IDE: variants seen among roughly 807,000 people sequenced by gnomAD.
IDE encodes the protein insulin-degrading enzyme.
A neutral mutation model predicts 133.2 loss-of-function variants in IDE; 58 were observed. The observed-to-expected ratio is 0.44, with a 90% confidence interval of 0.35 to 0.54. IDE has a LOEUF of 0.54. Ranked by LOEUF, IDE falls within the 20% of genes least tolerant of loss-of-function variation. The pLI, the probability that IDE is intolerant of heterozygous loss-of-function variation, is 0.00. For synonymous variants in IDE, 396 were observed against 421.3 expected, an observed-to-expected ratio of 0.94 and a Z score of 0.73; for missense variants, 981 against 1,234.0, an observed-to-expected ratio of 0.79 and a Z score of 3.07.
chr10:92,531,956 A>G, intron 3 of IDE, 39 bp from the exon 4 acceptor site: 1 of 1,364,424 alleles, frequency 7.3e-7, no homozygotes, highest in Non-Finnish European at 9.8e-7. Flanking sequence ...GAAAGATGTC[A>G]TTTTAAAACA....
chr10:92,565,591 G>A (rs896560383), intron 1 of IDE, among the ~76,000 whole-genome samples: 3 of 151,884 alleles, frequency 2.0e-5, no homozygotes, highest in African/African-American at 7.3e-5. Context: ...TGTGAGCATT[G>A]TCAAGGCTGC....
chr10:92,500,637 T>C (rs1847954854), intron 11 of IDE, among the ~76,000 whole-genome samples: 1 of 152,214 alleles, frequency 6.6e-6, no homozygotes, highest in Admixed American at 6.5e-5. Flanking sequence ...TGGACTCTGT[T>C]CTCTTCCAAT....
chr10:92,519,867 G>T (rs1267937999), intron 4 of IDE, among the ~76,000 whole-genome samples: 1 of 152,186 alleles, frequency 6.6e-6, no homozygotes, highest in Non-Finnish European at 1.5e-5. Context: ...CACTTTAGGA[G>T]GCTGAGGCAG....
intron 1 of IDE, among the ~76,000 whole-genome samples, chr10:92,564,400 G>A (rs1843422355): frequency 1.3e-5 from 2 of 152,070 alleles, no homozygotes; most frequent in South Asian, 4.1e-4. Context: ...GGCCGGGCAA[G>A]GTAACTTACA....
At chr10:92,549,677 C>T (rs1023138862) in intron 1 of IDE, among the ~76,000 whole-genome samples, 3 of 151,912 alleles carry the variant, frequency 2.0e-5, no homozygotes, top group African/African-American at 7.3e-5. Flanking sequence ...TATCTTGTGG[C>T]ACATATACTT....
chr10:92,559,292 A>G (rs150069733), intron 1 of IDE: 6 of 152,354 alleles, frequency 3.9e-5, no homozygotes, highest in Non-Finnish European at 7.3e-5. Flanking sequence ...AGAAACGAAA[A>G]TAAGTGTTCA....
rs1849128601 is a variant in IDE at position 92,519,889 on chromosome 10, G to C, written c.662-4847C>G. On this transcript the variant is annotated intron_variant, in intron 4 of 24. Coordinates refer to ENST00000265986, the MANE Select transcript of IDE (RefSeq NM_004969.4). Reference sequence around the variant, plus strand: ...GGAGGCTGAGGCAGGCGGATCACCTGAGGTCAGGAGCTTGAGACCAGCCTG... The same window carrying C: ...GGAGGCTGAGGCAGGCGGATCACCTCAGGTCAGGAGCTTGAGACCAGCCTG... Among the ~76,000 whole-genome samples, 3 of 152,212 alleles carry C rather than the reference G, an allele frequency of 2.0e-5. No homozygotes were observed. In the South Asian group the frequency reaches 6.2e-4, roughly 32 times the overall value.
At chr10:92,537,682 T>C (rs922536817) in intron 1 of IDE, 132 bp from the exon 2 acceptor site, 2 of 626,878 alleles carry the variant, frequency 3.2e-6, no homozygotes, top group Admixed American at 3.0e-5. Flanking sequence ...ATAGCCACTC[T>C]ACAGGGTGCA....
At chr10:92,476,059 CTTGA>C in intron 15 of IDE, 65 bp from the exon 16 acceptor site, 1 of 702,430 alleles carries the variant, frequency 1.4e-6, no homozygotes. Context: ...AAATAAACGA[CTTGA>C]TTTTTAAACA....
intron 4 of IDE, among the ~76,000 whole-genome samples, chr10:92,516,763 C>A (rs1170457645): frequency 4.6e-5 from 7 of 152,064 alleles, no homozygotes; most frequent in African/African-American, 1.4e-4. Flanking sequence ...GTGATCTAGA[C>A]TGGTTAAAAA....
intron 1 of IDE, among the ~76,000 whole-genome samples, chr10:92,555,882 G>GA (rs1842978097): frequency 6.6e-6 from 1 of 152,120 alleles, no homozygotes; most frequent in Non-Finnish European, 1.5e-5. Context: ...AAATTAGAAA[G>GA]AAAAAAGTAG....
At chr10:92,507,709 T>G in intron 8 of IDE, 43 bp from the exon 9 acceptor site, 2 of 1,073,368 alleles carry the variant, frequency 1.9e-6, no homozygotes, top group Non-Finnish European at 2.9e-6. Context: ...AGTCCTTGAA[T>G]CCTTCAAAGC....
chr10:92,565,828 A>G (rs568710552), intron 1 of IDE, among the ~76,000 whole-genome samples: 2 of 152,250 alleles, frequency 1.3e-5, no homozygotes, highest in East Asian at 3.9e-4. Context: ...CCCTGTTTTA[A>G]CGTCCCCATC....
chr10:92,454,575 C>A (rs368818002), intron 24 of IDE, 36 bp from the exon 25 acceptor site: 13 of 1,460,678 alleles, frequency 8.9e-6, no homozygotes, highest in South Asian at 5.7e-5. Flanking sequence ...GTGTATTTAA[C>A]CTAAACATCA....
At chr10:92,538,489 A>G (rs906915831) in intron 1 of IDE, among the ~76,000 whole-genome samples, 2 of 152,254 alleles carry the variant, frequency 1.3e-5, no homozygotes, top group African/African-American at 4.8e-5. Flanking sequence ...AAGGACCCCA[A>G]GTATTTTTGT....
At chr10:92,521,268 C>T (rs1337161887) in intron 4 of IDE, among the ~76,000 whole-genome samples, 6 of 152,114 alleles carry the variant, frequency 3.9e-5, no homozygotes, top group African/African-American at 1.4e-4. Flanking sequence ...TGGAAAAATA[C>T]ATCACCACCT....
chr10:92,524,411 A>T (rs1265479208), intron 4 of IDE, among the ~76,000 whole-genome samples: 236 of 9,444 alleles, frequency 0.025, 14 homozygotes, highest in Non-Finnish European at 0.049. Flanking sequence ...TATAATATAT[A>T]TTATATTATA....
intron 23 of IDE, 38 bp downstream of exon 23, chr10:92,456,312 ATCAGATGGC>A (rs1276235734): frequency 7.5e-7 from 1 of 1,341,724 alleles, no homozygotes; most frequent in East Asian, 2.3e-5. Context: ...AAGGCCAACC[ATCAGATGGC>A]TCAACATGAG....
intron 19 of IDE, among the ~76,000 whole-genome samples, chr10:92,466,622 CT>C (rs369307614): frequency 0.42 from 57,127 of 136,618 alleles, 12,481 homozygotes; most frequent in African/African-American, 0.62. Flanking sequence ...TGGCCCTTTT[CT>C]TTTTTTTTTT....
Sources: gnomAD v4.1 joint callset for allele counts (sites outside exome capture counted in the v4.1 genomes callset) on GRCh38, gnomAD v4.1.1 for gene constraint, MANE v1.5 for transcripts, NCBI Gene and HGNC (gene_info 2026-07-23, HGNC 2026-07-21) for gene names.